Variants in TLN2 observed in about 807,000 individuals in gnomAD.
The protein encoded by TLN2 is talin 2.
In TLN2, 118 loss-of-function variants were observed where a neutral mutation model predicts 294.7. That is an observed-to-expected ratio of 0.40 (90% confidence interval 0.34 to 0.47). The LOEUF is 0.47. TLN2 is among the 20% of genes least tolerant of loss of function. TLN2 has a pLI of 0.84. For synonymous variants in TLN2, 1,431 were observed against 1,304.5 expected (o/e 1.10, Z -2.09); for missense variants, 3,083 against 3,282.2 (o/e 0.94, Z 1.48).
In TLN2 at chr15:62,719,699, A is replaced by G; in HGVS notation, c.2878-68A>G. 5.3e-6 allele frequency: 7 copies of G among 1,318,502 alleles called. No homozygotes were observed. The East Asian group carries it at 7.6e-5, about 14-fold the overall frequency. 81.7% of individuals were successfully genotyped at this position (1,318,502 alleles called of 1,614,324 possible). A position where few individuals can be genotyped will look rare whatever the true frequency, so the allele number is the denominator to read the frequency against. On this transcript the variant is annotated intron_variant, in intron 24 of 58. Transcript: ENST00000636159. Reference sequence around the variant, plus strand: ...CACATCCAAAAAGCGCACTTGGGTCATGGTCTAGCTTCTTTGGATGGTCCC... The same window carrying G: ...CACATCCAAAAAGCGCACTTGGGTCGTGGTCTAGCTTCTTTGGATGGTCCC...
At chr15:62,712,141 C>G in intron 22 of TLN2, 64 bp downstream of exon 22, 8 of 1,568,648 alleles carry the variant, frequency 5.1e-6, no homozygotes, top group Non-Finnish European at 6.9e-6. Context: ...TTGGAAGGTA[C>G]TTTCCAGATG....
intron 46 of TLN2, 108 bp downstream of exon 46, chr15:62,792,895 A>G (rs2065174965): frequency 1.3e-6 from 2 of 1,509,068 alleles, no homozygotes. Context: ...AACCCAGCTG[A>G]CTCAGCTGTC....
At chr15:62,532,083 T>A (rs1314177287) in intron 1 of TLN2, among the ~76,000 whole-genome samples, 1 of 151,102 alleles carries the variant, frequency 6.6e-6, no homozygotes, top group East Asian at 1.9e-4. Context: ...AGGTACTCAC[T>A]TTGTCACCCA....
At chr15:62,481,000 C>G (rs1032929350) in intron 1 of TLN2, among the ~76,000 whole-genome samples, 3 of 152,192 alleles carry the variant, frequency 2.0e-5, no homozygotes, top group Admixed American at 1.3e-4. Context: ...AGAATTTTAC[C>G]TGCAGCCTGT....
Position 62,717,646 on chromosome 15 carries a change from A to T in TLN2, c.2834A>T (p.Asn945Ile), listed in dbSNP as rs755581415. The T allele has an allele frequency of 2.5e-6, 4 of 1,605,274 alleles. No individual in the cohort carries two copies. The highest frequency in any genetic ancestry group is 1.3e-5 in the African/African-American group (1 of 74,742). ...IAASQNAAVS[N>I]KNPAAQQQLV... ...GCCTCCCAGAATGCAGCTGTTTCCA[A>T]CAAGAACCCTGCGGCCCAGCAGCAG... is the stretch of plus-strand genomic sequence containing the variant. The change falls in exon 24 of 59, where the codon AAC becomes ATC. Residue 945 changes from asparagine to isoleucine, a missense_variant. Physicochemically the swap from Asn to Ile is moderately radical, Grantham distance 149. Coordinates refer to ENST00000636159, the MANE Select transcript of TLN2 (RefSeq NM_015059.3).
At position 62,719,809 on chromosome 15, in the gene TLN2, G is replaced by A. The variant is rs35519324; in HGVS notation, c.2920G>A (p.Gly974Arg). Reference protein sequence around the residue: ...HIPQLVQGVRGSQAQAEDLSA... With the variant: ...HIPQLVQGVRRSQAQAEDLSA... ...CCCTCAGCTGGTCCAGGGAGTGAGG[G>A]GGAGCCAAGCTCAAGCTGAAGACCT... Residue 974 changes from glycine (G) to arginine (R), a missense_variant, in exon 25 of 59, where the codon GGG becomes AGG. Transcript: ENST00000636159. 262 of 1,611,952 alleles carry A rather than the reference G, an allele frequency of 1.6e-4. 1 individual carries two copies. In the African/African-American group the frequency reaches 3.2e-3, roughly 20 times the overall value.
intron 1 of TLN2, among the ~76,000 whole-genome samples, chr15:62,401,299 T>G (rs2033001095): frequency 6.6e-6 from 1 of 152,014 alleles, no homozygotes; most frequent in Admixed American, 6.5e-5. Context: ...TTTGTTTTGT[T>G]TATTTTTAGA....
intron 3 of TLN2, chr15:62,644,544 T>C (rs1404090388): frequency 2.2e-6 from 1 of 456,110 alleles, no homozygotes; most frequent in African/African-American, 2.0e-5. Context: ...CAGCAGCCTT[T>C]CTTGACAGAG....
chr15:62,730,852 T>G (rs1258098692), intron 28 of TLN2, among the ~76,000 whole-genome samples: 1 of 152,204 alleles, frequency 6.6e-6, no homozygotes, highest in Non-Finnish European at 1.5e-5. Context: ...GAAAATGGGA[T>G]TTGTTGTCCT....
intron 1 of TLN2, among the ~76,000 whole-genome samples, chr15:62,517,937 G>A (rs2040262009): frequency 6.6e-6 from 1 of 152,124 alleles, no homozygotes; most frequent in Non-Finnish European, 1.5e-5. Flanking sequence ...AAGAAAAATG[G>A]GGTTAATGAT....
At chr15:62,433,293 T>C (rs1406204118) in intron 1 of TLN2, among the ~76,000 whole-genome samples, 1 of 152,092 alleles carries the variant, frequency 6.6e-6, no homozygotes, top group African/African-American at 2.4e-5. Flanking sequence ...CCTTGTAACT[T>C]CTTGTTGTAT....
At chr15:62,676,659 G>T (rs572261511) in intron 11 of TLN2, among the ~76,000 whole-genome samples, 1 of 152,308 alleles carries the variant, frequency 6.6e-6, no homozygotes, top group South Asian at 2.1e-4. Flanking sequence ...CTGTCGCCCA[G>T]GCCGGAGTGC....
At chr15:62,552,166 G>A (rs138691156) in intron 1 of TLN2, among the ~76,000 whole-genome samples, 3 of 152,294 alleles carry the variant, frequency 2.0e-5, no homozygotes, top group East Asian at 1.9e-4. Flanking sequence ...ATTATCAAAT[G>A]TCCCCTAGGG....
At chr15:62,743,545 G>C (rs951598348) in intron 32 of TLN2, among the ~76,000 whole-genome samples, 2 of 152,060 alleles carry the variant, frequency 1.3e-5, no homozygotes, top group African/African-American at 4.8e-5. Context: ...TTAGTGCCTG[G>C]TTTGTTCATT....
intron 1 of TLN2, among the ~76,000 whole-genome samples, chr15:62,482,222 G>A (rs1348039451): frequency 1.3e-5 from 2 of 152,102 alleles, no homozygotes; most frequent in African/African-American, 4.8e-5. Flanking sequence ...GCACATTTCT[G>A]TAATGCCACA....
chr15:62,750,587 CTGCAGGGCTAGCCACA>C, intron 34 of TLN2, 96 bp downstream of exon 34: 1 of 1,064,854 alleles, frequency 9.4e-7, no homozygotes, highest in Non-Finnish European at 1.5e-6. Flanking sequence ...TGTGGCTGGT[CTGCAGGGCTAGCCACA>C]TGTAGCATGA....
At chr15:62,740,530 A>G in intron 31 of TLN2, 100 bp from the exon 32 acceptor site, 3 of 1,529,784 alleles carry the variant, frequency 2.0e-6, no homozygotes, top group African/African-American at 2.7e-5. Context: ...ATCTATACGG[A>G]TAACCTGCCT....
intron 1 of TLN2, among the ~76,000 whole-genome samples, chr15:62,549,494 A>G (rs1173232503): frequency 6.6e-6 from 1 of 151,034 alleles, no homozygotes; most frequent in Non-Finnish European, 1.5e-5. Flanking sequence ...CCATCCATCC[A>G]TCCATCCATC....
chr15:62,482,045 C>T (rs1470126231), intron 1 of TLN2, among the ~76,000 whole-genome samples: 2 of 152,158 alleles, frequency 1.3e-5, no homozygotes, highest in Admixed American at 1.3e-4. Flanking sequence ...GATCCACCTG[C>T]CTCAGCCTCC....
Sources: allele counts gnomAD v4.1 joint callset (sites outside exome capture counted in the v4.1 genomes callset), GRCh38; gene constraint gnomAD v4.1.1; transcripts MANE v1.5; gene names NCBI Gene and HGNC (gene_info 2026-07-23, HGNC 2026-07-21).